BTLA: variants seen among roughly 807,000 people sequenced by gnomAD.
BTLA encodes B- and T-lymphocyte attenuator.
Under a neutral mutation model 25.0 loss-of-function variants are expected in BTLA, and 11 were observed. The ratio of observed to expected loss-of-function variants is 0.44; its 90% confidence interval spans 0.28 to 0.73. The LOEUF (loss-of-function observed/expected upper bound fraction) is 0.73, where lower values mean the gene tolerates loss of function less well. Ranked by LOEUF, BTLA falls within the 30% of genes least tolerant of loss-of-function variation. BTLA has a pLI of 0.15. For synonymous variants in BTLA, 104 were observed against 119.8 expected, an observed-to-expected ratio of 0.87 and a Z score of 0.86; for missense variants, 282 against 332.8, an observed-to-expected ratio of 0.85 and a Z score of 1.19.
chr3:112,485,226 G>A (rs1224819710), intron 1 of BTLA, among the ~76,000 whole-genome samples: 1 of 151,764 alleles, frequency 6.6e-6, no homozygotes, highest in Non-Finnish European at 1.5e-5. Flanking sequence ...TGTATTTTTA[G>A]TAGGGACGGG....
intron 3 of BTLA, among the ~76,000 whole-genome samples, chr3:112,470,785 G>C (rs1421609043): frequency 6.6e-6 from 1 of 152,204 alleles, no homozygotes; most frequent in Non-Finnish European, 1.5e-5. Context: ...AGTTACATAA[G>C]GGTGTGTGTG....
chr3:112,490,635 ACAC>A (rs2082374948), intron 1 of BTLA, among the ~76,000 whole-genome samples: 3 of 151,626 alleles, frequency 2.0e-5, no homozygotes, highest in African/African-American at 7.3e-5. Flanking sequence ...ACACACACAC[ACAC>A]ACAATGTAAA....
chr3:112,499,511 G>T, upstream of BTLA: 1 of 587,176 alleles, frequency 1.7e-6, no homozygotes, highest in Admixed American at 3.1e-5. Context: ...GGTAAGAGAG[G>T]AGAGTAGGAA....
At position 112,499,293 on chromosome 3, in the gene BTLA, A is replaced by G; in HGVS notation, c.66T>C (p.Tyr22=). ...TACCATGGATGTTCCAGATGTCCAG[A>G]TATGGGATTAAGAAGAAGACCCAAA... ...KLFWVFFLIP[Y]LDIWNIHGKE... is the part of the protein sequence containing the mutation. Residue 22 remains tyrosine (Y), a synonymous_variant, in exon 1 of 5, where the codon TAT becomes TAC. Coordinates refer to ENST00000334529, the MANE Select transcript of BTLA (RefSeq NM_181780.4). 6.2e-7 allele frequency: 1 copy of G among 1,610,550 alleles called. No homozygotes were observed. The highest frequency in any genetic ancestry group is 1.1e-5 in the South Asian group (1 of 90,992).
chr3:112,480,682 A>G (rs1005926162), intron 1 of BTLA, among the ~76,000 whole-genome samples: 3 of 152,210 alleles, frequency 2.0e-5, no homozygotes, highest in Non-Finnish European at 2.9e-5. Context: ...CAATAAGGGC[A>G]TTAATACATT....
At chr3:112,488,881 G>A (rs1177145897) in intron 1 of BTLA, among the ~76,000 whole-genome samples, 2 of 152,060 alleles carry the variant, frequency 1.3e-5, no homozygotes, top group Non-Finnish European at 2.9e-5. Flanking sequence ...CAAAGTGCTA[G>A]TATTACAGGC....
chr3:112,487,375 G>A (rs2082354110), intron 1 of BTLA, among the ~76,000 whole-genome samples: 1 of 152,074 alleles, frequency 6.6e-6, no homozygotes, highest in Non-Finnish European at 1.5e-5. Flanking sequence ...ACCAGAGGTC[G>A]GGAGTTTGAG....
At chr3:112,491,546 A>G (rs1559830340) in intron 1 of BTLA, among the ~76,000 whole-genome samples, 1 of 152,218 alleles carries the variant, frequency 6.6e-6, no homozygotes, top group Non-Finnish European at 1.5e-5. Context: ...TAGGAGGAAG[A>G]GTCAAGGCTA....
At chr3:112,486,103 C>A (rs1210432302) in intron 1 of BTLA, among the ~76,000 whole-genome samples, 1 of 152,116 alleles carries the variant, frequency 6.6e-6, no homozygotes, top group East Asian at 1.9e-4. Flanking sequence ...GGTGACAGAG[C>A]GAGAGTCCAT....
At position 112,465,962 on chromosome 3, in the gene BTLA, G is replaced by T. The variant is rs1039184772; in HGVS notation, c.*146C>A. 1.3e-5 allele frequency: 11 copies of T among 822,802 alleles called. No homozygotes were observed. The highest frequency in any genetic ancestry group is 3.4e-5 in the African/African-American group (2 of 59,324). 51.0% of individuals were successfully genotyped at this position (822,802 alleles called of 1,614,324 possible). ...GAGAAATTTTAATCATTTATCCTATGGACCCTTAAGACCCAAGCACTAACA... is the reference window on the plus strand; with the variant it reads ...GAGAAATTTTAATCATTTATCCTATTGACCCTTAAGACCCAAGCACTAACA... On this transcript the variant is annotated 3_prime_UTR_variant, in exon 5 of 5. Transcript: ENST00000334529.
At chr3:112,496,133 C>T (rs575136586) in intron 1 of BTLA, among the ~76,000 whole-genome samples, 39 of 152,280 alleles carry the variant, frequency 2.6e-4, no homozygotes, top group Admixed American at 2.1e-3. Context: ...AAAGTGGAAT[C>T]CTTGGTTGAT....
At chr3:112,488,314 C>T (rs1429575321) in intron 1 of BTLA, among the ~76,000 whole-genome samples, 1 of 149,566 alleles carries the variant, frequency 6.7e-6, no homozygotes, top group African/African-American at 2.5e-5. Context: ...TGCAAGCCTC[C>T]CGGGTTCACG....
Position 112,469,607 on chromosome 3 carries a change from GTATATATATA to G in BTLA, c.594+141_594+150del, listed in dbSNP as rs60258722. 2.0e-3 allele frequency: 116 copies of G among 58,442 alleles called. 3 individuals are homozygous for G. The highest frequency in any genetic ancestry group is 7.4e-3 in the African/African-American group (104 of 14,024). 3.6% of individuals were successfully genotyped at this position (58,442 alleles called of 1,614,324 possible). On this transcript the variant is annotated intron_variant, in intron 4 of 4. Coordinates refer to ENST00000334529, the MANE Select transcript of BTLA (RefSeq NM_181780.4). ...TTCACATTTTTAAAAATGGGTCTAT[GTATATATATA>G]TATATATATATATATATATATATAT...
chr3:112,474,257 T>A (rs925156689), intron 2 of BTLA, among the ~76,000 whole-genome samples: 1 of 152,210 alleles, frequency 6.6e-6, no homozygotes, highest in African/African-American at 2.4e-5. Context: ...CAAAATTTCT[T>A]TATGAAAAGC....
At chr3:112,487,703 G>A (rs1046228658) in intron 1 of BTLA, among the ~76,000 whole-genome samples, 2 of 152,170 alleles carry the variant, frequency 1.3e-5, no homozygotes, top group South Asian at 4.1e-4. Flanking sequence ...TTAGTAACGA[G>A]ACAGTTTCTA....
In BTLA at chr3:112,464,194, G is replaced by T; in HGVS notation, c.*1914C>A. The T allele has an allele frequency of 2.5e-6, 1 of 397,758 alleles. No individual in the cohort carries two copies. Among genetic ancestry groups the T allele is most frequent in the South Asian group, 1.3e-4 (1 of 7,822 alleles). The allele number at this position is 397,758 out of a possible 1,614,324, so 24.6% of individuals were successfully genotyped here. ...AAAAACATAAATGATTTGTGATTTT[G>T]GCAAACAGTACAAATATATTAATAC... On this transcript the variant is annotated 3_prime_UTR_variant, in exon 5 of 5. Coordinates refer to ENST00000334529, the MANE Select transcript of BTLA (RefSeq NM_181780.4).
chr3:112,466,343 G>A lies in BTLA; in HGVS notation c.635C>T (p.Thr212Ile). ...TAGCAGTACTTGGGAATTTTGCCTGGTGCTTGCTTCTGTTTGCTCACTCTT... is the reference window on the plus strand; with the variant it reads ...TAGCAGTACTTGGGAATTTTGCCTGATGCTTGCTTCTGTTTGCTCACTCTT... ...HLKSEQTEAS[T>I]RQNSQVLLSE... Residue 212 changes from threonine (T) to isoleucine (I), a missense_variant, in exon 5 of 5, where the codon ACC (threonine) becomes ATC (isoleucine). Coordinates refer to ENST00000334529, the MANE Select transcript of BTLA (RefSeq NM_181780.4). 1 of 1,612,788 alleles carries A rather than the reference G, an allele frequency of 6.2e-7. No individual in the cohort carries two copies. The highest frequency in any genetic ancestry group is 8.5e-7 in the Non-Finnish European group (1 of 1,179,388).
chr3:112,468,822 T>C (rs1305662554), intron 4 of BTLA, among the ~76,000 whole-genome samples: 1 of 152,188 alleles, frequency 6.6e-6, no homozygotes, highest in Non-Finnish European at 1.5e-5. Context: ...GAAAACTTAA[T>C]AGAAGTTTGT....
intron 2 of BTLA, 65 bp from the exon 3 acceptor site, chr3:112,471,420 C>T (rs2082261347): frequency 8.6e-6 from 13 of 1,519,212 alleles, no homozygotes; most frequent in Middle Eastern, 1.7e-4. Flanking sequence ...CAGCGGCACC[C>T]CTCTGCATTG....
Sources: allele counts gnomAD v4.1 joint callset (sites outside exome capture counted in the v4.1 genomes callset), GRCh38; gene constraint gnomAD v4.1.1; transcripts MANE v1.5; gene names NCBI Gene and HGNC (gene_info 2026-07-23, HGNC 2026-07-21).